DHCR24: variants seen among roughly 807,000 people sequenced by gnomAD.
DHCR24 encodes 24-dehydrocholesterol reductase.
A neutral mutation model predicts 61.2 loss-of-function variants in DHCR24; 28 were observed. The observed-to-expected ratio is 0.46, with a 90% confidence interval of 0.34 to 0.63. The LOEUF is 0.63. DHCR24 is among the 20% of genes least tolerant of loss of function. The pLI is 0.01. For synonymous variants in DHCR24, 261 were observed against 275.9 expected, an observed-to-expected ratio of 0.95 and a Z score of 0.54; for missense variants, 538 against 679.1, an observed-to-expected ratio of 0.79 and a Z score of 2.31.
chr1:54,871,001 T>C (rs1646995480), intron 5 of DHCR24, among the ~76,000 whole-genome samples: 1 of 152,232 alleles, frequency 6.6e-6, no homozygotes, highest in South Asian at 2.1e-4. Flanking sequence ...TTACATTACC[T>C]CTTTTAAGTG....
chr1:54,863,554 T>G (rs1191260831), intron 6 of DHCR24, among the ~76,000 whole-genome samples: 1 of 152,124 alleles, frequency 6.6e-6, no homozygotes, highest in Non-Finnish European at 1.5e-5. Flanking sequence ...AGCAAAAGAA[T>G]GGAGCCTGGA....
At chr1:54,874,214 G>A (rs1647014059) in intron 4 of DHCR24, among the ~76,000 whole-genome samples, 1 of 152,318 alleles carries the variant, frequency 6.6e-6, no homozygotes, top group East Asian at 1.9e-4. Flanking sequence ...AGTGTACAGT[G>A]TTTATAAAGT....
intron 1 of DHCR24, 117 bp downstream of exon 1, chr1:54,886,772 C>T: frequency 6.6e-7 from 1 of 1,512,078 alleles, no homozygotes; most frequent in Non-Finnish European, 8.9e-7. Flanking sequence ...AGCTCCCCAC[C>T]CCCCCAGGAA....
At chr1:54,854,315 G>T in intron 6 of DHCR24, 81 bp from the exon 7 acceptor site, 1 of 1,283,372 alleles carries the variant, frequency 7.8e-7, no homozygotes, top group Non-Finnish European at 1.1e-6. Context: ...CAGGGGCCAG[G>T]TCCCATTCTG....
chr1:54,874,235 G>A (rs191352010), intron 4 of DHCR24, among the ~76,000 whole-genome samples: 94 of 152,322 alleles, frequency 6.2e-4, no homozygotes, highest in Non-Finnish European at 1.1e-3. Flanking sequence ...CTACAGTGGT[G>A]TACAGTAATG....
intron 6 of DHCR24, among the ~76,000 whole-genome samples, chr1:54,863,703 GA>G (rs1646951138): frequency 6.6e-6 from 1 of 152,224 alleles, no homozygotes; most frequent in South Asian, 2.1e-4. Context: ...AGATAAATTG[GA>G]ATTCATCTAA....
At chr1:54,885,437 A>AG (rs1647087817) in intron 1 of DHCR24, among the ~76,000 whole-genome samples, 1 of 152,210 alleles carries the variant, frequency 6.6e-6, no homozygotes, top group African/African-American at 2.4e-5. Flanking sequence ...ATAGGGGGGA[A>AG]GGGAAAGCCT....
chr1:54,880,334 G>A (rs1338174258), intron 2 of DHCR24, among the ~76,000 whole-genome samples: 1 of 152,172 alleles, frequency 6.6e-6, no homozygotes, highest in African/African-American at 2.4e-5. Flanking sequence ...TTGAATTTGT[G>A]CTTAAAAACT....
chr1:54,852,799 C>G (rs1038797501), intron 8 of DHCR24, among the ~76,000 whole-genome samples: 18 of 129,834 alleles, frequency 1.4e-4, no homozygotes, highest in African/African-American at 4.8e-4. Flanking sequence ...CCAATCACTG[C>G]AGTCCAGATC....
At position 54,853,680 on chromosome 1, in the gene DHCR24, G is replaced by A. The variant is rs141869196; in HGVS notation, c.1219-68C>T. On this transcript the variant is annotated intron_variant, in intron 7 of 8. Coordinates refer to ENST00000371269, the MANE Select transcript of DHCR24 (RefSeq NM_014762.4). ...CAGGTGACAGGCTCATGGCTGGCCC[G>A]CTCATACCCACCCAAATGAAGGCTT... The A allele has an allele frequency of 2.3e-4, 354 of 1,512,950 alleles. 2 individuals carry two copies. The African/African-American group carries it at 3.6e-3, about 15-fold the overall frequency. The allele number at this position is 1,512,950 out of a possible 1,614,324, so 93.7% of individuals were successfully genotyped here. A position where few individuals can be genotyped will look rare whatever the true frequency, so the allele number is the denominator to read the frequency against.
chr1:54,868,478 A>G (rs188794180), intron 5 of DHCR24, among the ~76,000 whole-genome samples: 1 of 152,118 alleles, frequency 6.6e-6, no homozygotes, highest in African/African-American at 2.4e-5. Context: ...TCAAAAAAAA[A>G]CAAAAGATAT....
intron 1 of DHCR24, chr1:54,886,585 T>C: frequency 7.1e-7 from 1 of 1,411,484 alleles, no homozygotes; most frequent in Non-Finnish European, 9.4e-7. Flanking sequence ...AAGCCTTTCC[T>C]TCTCTGAAAT....
chr1:54,878,514 CAAAAAAAAAAAAAA>C (rs56198608), intron 2 of DHCR24, among the ~76,000 whole-genome samples: 4 of 54,300 alleles, frequency 7.4e-5, no homozygotes, highest in Non-Finnish European at 9.5e-5. Context: ...AACTCTGTCT[CAAAAAAAAAAAAAA>C]AAAAAAAAAA....
At chr1:54,871,718 C>A in intron 4 of DHCR24, 105 bp from the exon 5 acceptor site, 1 of 1,487,762 alleles carries the variant, frequency 6.7e-7, no homozygotes, top group Non-Finnish European at 9.3e-7. Flanking sequence ...TTCTCTCACT[C>A]TCTTGTATAA....
chr1:54,885,435 G>T (rs571058227), intron 1 of DHCR24, among the ~76,000 whole-genome samples: 4 of 152,324 alleles, frequency 2.6e-5, no homozygotes, highest in African/African-American at 9.6e-5. Context: ...CTATAGGGGG[G>T]AAGGGAAAGC....
At chr1:54,882,840 G>A (rs536614141) in intron 2 of DHCR24, among the ~76,000 whole-genome samples, 5 of 152,224 alleles carry the variant, frequency 3.3e-5, no homozygotes, top group South Asian at 2.1e-4. Flanking sequence ...TGTGGGGGGC[G>A]GGTAGGGGAA....
At chr1:54,872,111 G>A (rs1285080631) in intron 4 of DHCR24, among the ~76,000 whole-genome samples, 1 of 152,114 alleles carries the variant, frequency 6.6e-6, no homozygotes, top group African/African-American at 2.4e-5. Context: ...AGAGCCCAGG[G>A]AGAGCGCTAG....
chr1:54,873,840 G>C (rs1391637820), intron 4 of DHCR24, among the ~76,000 whole-genome samples: 2 of 152,208 alleles, frequency 1.3e-5, no homozygotes, highest in Admixed American at 6.5e-5. Context: ...TGTAGACCAT[G>C]TTGTAGGCCA....
chr1:54,868,129 G>C (rs567588940), intron 5 of DHCR24, among the ~76,000 whole-genome samples: 4 of 152,320 alleles, frequency 2.6e-5, no homozygotes, highest in African/African-American at 9.6e-5. Flanking sequence ...TATAGATTAA[G>C]AGTCTTAAGG....
Sources: allele counts gnomAD v4.1 joint callset (sites outside exome capture counted in the v4.1 genomes callset), GRCh38; gene constraint gnomAD v4.1.1; transcripts MANE v1.5; gene names NCBI Gene and HGNC (gene_info 2026-07-23, HGNC 2026-07-21).